CLDN16: variants seen among roughly 807,000 people sequenced by gnomAD.
CLDN16 encodes claudin-16.
A neutral mutation model predicts 24.6 loss-of-function variants in CLDN16; 13 were observed. That is an observed-to-expected ratio of 0.53 (90% CI 0.34 to 0.84). The LOEUF (loss-of-function observed/expected upper bound fraction) is 0.84, where lower values mean the gene tolerates loss of function less well. Among genes scored for constraint, CLDN16 ranks in the 40% least tolerant of loss-of-function variants. The probability of loss-of-function intolerance (pLI) is 0.01; values close to 1 mark genes in which losing one functional copy is unlikely to be tolerated. For synonymous variants in CLDN16, 116 were observed against 106.7 expected (o/e 1.09, Z -0.54); for missense variants, 298 against 292.7 (o/e 1.02, Z -0.13).
chr3:190,374,867 A>G (rs1376229632), intron 3 of CLDN16, among the ~76,000 whole-genome samples: 1 of 151,994 alleles, frequency 6.6e-6, no homozygotes, highest in Non-Finnish European at 1.5e-5. Flanking sequence ...AGTTTTAAGT[A>G]TTACTAATGA....
intron 1 of CLDN16, among the ~76,000 whole-genome samples, chr3:190,342,880 A>T (rs748931376): frequency 3.3e-5 from 5 of 152,132 alleles, no homozygotes; most frequent in African/African-American, 4.8e-5. Context: ...TAGGGGAAAA[A>T]CTCCTTGACA....
the CLDN16 span, among the ~76,000 whole-genome samples, chr3:190,305,185 C>A: frequency 3.3e-5 from 5 of 152,180 alleles, no homozygotes; most frequent in Non-Finnish European, 7.4e-5. Context: ...CAAGCCTTTA[C>A]TTATAAGCCT....
upstream of CLDN16, among the ~76,000 whole-genome samples, chr3:190,320,075 G>GA (rs1716878605): frequency 6.6e-6 from 1 of 151,492 alleles, no homozygotes; most frequent in Non-Finnish European, 1.5e-5. Context: ...AGTGTGTGTG[G>GA]GGGGGTAGGT....
chr3:190,296,251 T>C, the CLDN16 span, among the ~76,000 whole-genome samples: 1 of 152,296 alleles, frequency 6.6e-6, no homozygotes, highest in South Asian at 2.1e-4. Flanking sequence ...GGCAATACAG[T>C]AATGCATGAA....
At chr3:190,337,700 A>G (rs1359966657) in intron 1 of CLDN16, among the ~76,000 whole-genome samples, 4 of 152,148 alleles carry the variant, frequency 2.6e-5, no homozygotes, top group African/African-American at 4.8e-5. Flanking sequence ...GCAACAATTA[A>G]TCCTGAGTAG....
chr3:190,400,397 T>C (rs1718933266), intron 1 of CLDN16, among the ~76,000 whole-genome samples: 1 of 152,026 alleles, frequency 6.6e-6, no homozygotes, highest in South Asian at 2.1e-4. Context: ...CACGCCTAGC[T>C]AATTTTTGTA....
intron 1 of CLDN16, among the ~76,000 whole-genome samples, chr3:190,400,619 A>G (rs1292850516): frequency 6.6e-6 from 1 of 152,202 alleles, no homozygotes; most frequent in Non-Finnish European, 1.5e-5. Context: ...AACATTATTC[A>G]GTTCCATCCA....
the CLDN16 span, chr3:190,312,868 T>C: frequency 1.9e-6 from 3 of 1,613,968 alleles, no homozygotes; most frequent in Non-Finnish European, 1.7e-6. Flanking sequence ...ACAGCCTCTA[T>C]TACCTGCAAG....
upstream of CLDN16, among the ~76,000 whole-genome samples, chr3:190,319,584 A>T (rs372596801): frequency 6.6e-6 from 1 of 152,202 alleles, no homozygotes; most frequent in Admixed American, 6.5e-5. Flanking sequence ...ACAGATTTTA[A>T]TACTTCCCGT....
chr3:190,316,530 T>G, the CLDN16 span, among the ~76,000 whole-genome samples: 1 of 152,232 alleles, frequency 6.6e-6, no homozygotes, highest in Non-Finnish European at 1.5e-5. Context: ...TGTTACAAGT[T>G]ACAAGTGTTT....
the CLDN16 span, among the ~76,000 whole-genome samples, chr3:190,313,772 T>C: frequency 6.6e-6 from 1 of 152,222 alleles, no homozygotes. Flanking sequence ...CAATGTAGTG[T>C]TTCTCAGGAT....
At chr3:190,319,518 T>C (rs1248270486), upstream of CLDN16, among the ~76,000 whole-genome samples, 1 of 152,216 alleles carries the variant, frequency 6.6e-6, no homozygotes, top group Non-Finnish European at 1.5e-5. Context: ...TTCCTTCAGA[T>C]ACTTTATGAA....
chr3:190,390,020 T>G (rs16865430), intron 1 of CLDN16, among the ~76,000 whole-genome samples: 55,506 of 151,928 alleles, frequency 0.37, 10,264 homozygotes, highest in African/African-American at 0.4. Flanking sequence ...AGATTGAGAG[T>G]CCTGGAATTT....
the CLDN16 span, among the ~76,000 whole-genome samples, chr3:190,297,078 TTAAACACAAAATAAC>T: frequency 2.0e-5 from 3 of 152,014 alleles, no homozygotes; most frequent in Admixed American, 1.3e-4. Context: ...TTGACACATA[TTAAACACAAAATAAC>T]TAAACACAAA....
chr3:190,303,481 T>C, the CLDN16 span, among the ~76,000 whole-genome samples: 1 of 152,182 alleles, frequency 6.6e-6, no homozygotes, highest in Non-Finnish European at 1.5e-5. Context: ...TAAATTGGTG[T>C]GTGGGGGGGT....
chr3:190,392,135 T>G (rs914517680), intron 1 of CLDN16, among the ~76,000 whole-genome samples: 5 of 148,698 alleles, frequency 3.4e-5, no homozygotes, highest in African/African-American at 1.2e-4. Flanking sequence ...ACTAATGGAC[T>G]GGTGGTGTCT....
At chr3:190,358,803 C>T (rs187010512) in intron 1 of CLDN16, among the ~76,000 whole-genome samples, 359 of 152,108 alleles carry the variant, frequency 2.4e-3, no homozygotes, top group Middle Eastern at 0.014. Context: ...AAATCCAATT[C>T]TGCTGCAGAC....
chr3:190,363,554 G>GTATATATATATA (rs1553805321), intron 1 of CLDN16, among the ~76,000 whole-genome samples: 73 of 81,278 alleles, frequency 9.0e-4, no homozygotes, highest in Non-Finnish European at 1.2e-3. Context: ...GTGTGTGTGT[G>GTATATATATATA]TGTATATATA....
intron 2 of CLDN16, among the ~76,000 whole-genome samples, chr3:190,403,373 G>C (rs1276589618): frequency 6.6e-6 from 1 of 152,088 alleles, no homozygotes; most frequent in Non-Finnish European, 1.5e-5. Context: ...TTACATGTCA[G>C]CAGAGCCCAT....
Sources: gnomAD v4.1 joint callset for allele counts (sites outside exome capture counted in the v4.1 genomes callset) on GRCh38, gnomAD v4.1.1 for gene constraint, MANE v1.5 for transcripts, NCBI Gene and HGNC (gene_info 2026-07-23, HGNC 2026-07-21) for gene names.